NTM: variants seen among roughly 807,000 people sequenced by gnomAD.
NTM encodes the protein IgLON family member 2.
In NTM, 13 loss-of-function variants were observed where a neutral mutation model predicts 42.1. The ratio of observed to expected loss-of-function variants is 0.31; its 90% CI spans 0.20 to 0.49. The LOEUF is 0.49. Ranked by LOEUF, NTM falls within the 20% of genes least tolerant of loss-of-function variation. The pLI is 0.99. For synonymous variants in NTM, 187 were observed against 179.2 expected (o/e 1.04, Z -0.35); for missense variants, 373 against 452.8 (o/e 0.82, Z 1.60).
chr11:131,793,426 C>T (rs2091191563), intron 1 of NTM, among the ~76,000 whole-genome samples: 1 of 152,214 alleles, frequency 6.6e-6, no homozygotes, highest in African/African-American at 2.4e-5. Flanking sequence ...GACAGATACA[C>T]TGTGCCCAAT....
intron 1 of NTM, among the ~76,000 whole-genome samples, chr11:131,664,984 AGGCAGAACC>A (rs1382201737): frequency 6.6e-6 from 1 of 152,130 alleles, no homozygotes; most frequent in Non-Finnish European, 1.5e-5. Flanking sequence ...TGGGCACCAG[AGGCAGAACC>A]CGCGGAACTG....
chr11:131,480,652 G>A (rs1420093654), intron 1 of NTM, among the ~76,000 whole-genome samples: 5 of 152,172 alleles, frequency 3.3e-5, no homozygotes, highest in African/African-American at 7.2e-5. Context: ...GTGGGAAATA[G>A]CAGTGAGCCT....
At chr11:131,801,400 C>T (rs1450406149) in intron 1 of NTM, among the ~76,000 whole-genome samples, 1 of 152,116 alleles carries the variant, frequency 6.6e-6, no homozygotes, top group Non-Finnish European at 1.5e-5. Flanking sequence ...CTGGGGCCCA[C>T]TCATTCACTC....
chr11:131,870,431 T>C (rs947319978), intron 1 of NTM, among the ~76,000 whole-genome samples: 27 of 152,228 alleles, frequency 1.8e-4, no homozygotes, highest in African/African-American at 6.5e-4. Flanking sequence ...TGATGGTCTC[T>C]TTCCTCTGAG....
At chr11:132,068,471 AT>A (rs553854208) in intron 2 of NTM, among the ~76,000 whole-genome samples, 1 of 152,082 alleles carries the variant, frequency 6.6e-6, no homozygotes, top group African/African-American at 2.4e-5. Flanking sequence ...CATGCTTCTA[AT>A]TTTTTTCTGA....
chr11:131,976,116 A>C (rs147323456), intron 2 of NTM, among the ~76,000 whole-genome samples: 2,481 of 123,836 alleles, frequency 0.02, 59 homozygotes, highest in African/African-American at 0.064. Flanking sequence ...TCCCTCCCTC[A>C]TTCCTTCCTT....
chr11:131,892,988 G>A (rs987368409), intron 1 of NTM, among the ~76,000 whole-genome samples: 5 of 152,222 alleles, frequency 3.3e-5, no homozygotes, highest in African/African-American at 1.2e-4. Flanking sequence ...GAGCTAAGAA[G>A]TCACTTTGGA....
At chr11:131,847,341 T>C (rs1403654885) in intron 1 of NTM, among the ~76,000 whole-genome samples, 1 of 152,090 alleles carries the variant, frequency 6.6e-6, no homozygotes, top group Non-Finnish European at 1.5e-5. Flanking sequence ...TATTAAATTC[T>C]AATAAGAATA....
At chr11:132,141,301 C>T (rs1264970647) in intron 2 of NTM, among the ~76,000 whole-genome samples, 1 of 151,732 alleles carries the variant, frequency 6.6e-6, no homozygotes, top group Non-Finnish European at 1.5e-5. Context: ...TCTCTTTTCT[C>T]ATCCTAAATC....
intron 1 of NTM, among the ~76,000 whole-genome samples, chr11:131,425,643 G>A: frequency 6.6e-6 from 1 of 152,158 alleles, no homozygotes; most frequent in East Asian, 1.9e-4. Flanking sequence ...CTTTGAGGGA[G>A]AAGGGCAAAG....
intron 1 of NTM, among the ~76,000 whole-genome samples, chr11:131,395,525 A>C (rs1276428018): frequency 6.6e-6 from 1 of 152,048 alleles, no homozygotes; most frequent in Non-Finnish European, 1.5e-5. Context: ...TCATTCCATT[A>C]AGCAGGAGAA....
chr11:131,820,866 T>C (rs905662218), intron 1 of NTM, among the ~76,000 whole-genome samples: 7 of 152,142 alleles, frequency 4.6e-5, no homozygotes, highest in African/African-American at 1.7e-4. Flanking sequence ...GTTTAAGGTG[T>C]CTCCATTCAT....
At chr11:132,058,413 C>T (rs1386282170) in intron 2 of NTM, among the ~76,000 whole-genome samples, 1 of 152,190 alleles carries the variant, frequency 6.6e-6, no homozygotes, top group African/African-American at 2.4e-5. Flanking sequence ...GATTAAGTCT[C>T]CTTCCTAGCC....
At chr11:131,697,900 G>A (rs1432442430) in intron 1 of NTM, among the ~76,000 whole-genome samples, 1 of 152,132 alleles carries the variant, frequency 6.6e-6, no homozygotes, top group African/African-American at 2.4e-5. Flanking sequence ...GTGGGAACTA[G>A]AACTCGTGTG....
intron 2 of NTM, among the ~76,000 whole-genome samples, chr11:132,093,254 TTTCTCTCCATG>T (rs1309785995): frequency 2.0e-5 from 3 of 152,324 alleles, no homozygotes; most frequent in Admixed American, 6.5e-5. Context: ...CTCTTTCCTG[TTTCTCTCCATG>T]TTCTCTCTTG....
At chr11:131,454,783 T>C (rs538873579) in intron 1 of NTM, among the ~76,000 whole-genome samples, 1 of 146,026 alleles carries the variant, frequency 6.8e-6, no homozygotes, top group East Asian at 1.9e-4. Context: ...GTGGACATCC[T>C]CCACACCCTG....
chr11:132,142,002 G>A (rs527569063), intron 2 of NTM, among the ~76,000 whole-genome samples: 1 of 152,308 alleles, frequency 6.6e-6, no homozygotes, highest in African/African-American at 2.4e-5. Context: ...GAAGGGAGCT[G>A]GAGTTGCAGG....
intron 2 of NTM, among the ~76,000 whole-genome samples, chr11:131,953,143 G>T (rs1220322572): frequency 6.6e-6 from 1 of 152,162 alleles, no homozygotes; most frequent in Non-Finnish European, 1.5e-5. Flanking sequence ...GGCAGACCCT[G>T]GTTGGCTTTC....
At chr11:132,138,807 A>T (rs2068506010) in intron 2 of NTM, among the ~76,000 whole-genome samples, 1 of 152,132 alleles carries the variant, frequency 6.6e-6, no homozygotes, top group Admixed American at 6.5e-5. Context: ...AGTGTATTAG[A>T]TGGTGCCCTC....
Sources: allele counts gnomAD v4.1 joint callset (sites outside exome capture counted in the v4.1 genomes callset), GRCh38; gene constraint gnomAD v4.1.1; transcripts MANE v1.5; gene names NCBI Gene and HGNC (gene_info 2026-07-23, HGNC 2026-07-21).